Variants in PDLIM5 observed in about 807,000 individuals in gnomAD.
The protein encoded by PDLIM5 is PDZ and LIM domain 5.
In PDLIM5, 34 loss-of-function variants were observed where a neutral mutation model predicts 64.2. The ratio of observed to expected loss-of-function variants is 0.53; its 90% CI spans 0.40 to 0.71. PDLIM5 has a LOEUF of 0.71. PDLIM5 is among the 30% of genes least tolerant of loss of function. PDLIM5 has a pLI of 0.00. For synonymous variants in PDLIM5, 253 were observed against 269.1 expected (o/e 0.94, Z 0.59); for missense variants, 683 against 733.6 (o/e 0.93, Z 0.80).
chr4:94,523,066 G>A (rs1396336990), intron 2 of PDLIM5, among the ~76,000 whole-genome samples: 1 of 152,140 alleles, frequency 6.6e-6, no homozygotes, highest in Non-Finnish European at 1.5e-5. Context: ...ATTTTATTGA[G>A]CAGGGGAAGA....
At chr4:94,570,015 T>G (rs1029709692) in intron 3 of PDLIM5, among the ~76,000 whole-genome samples, 1 of 152,138 alleles carries the variant, frequency 6.6e-6, no homozygotes, top group African/African-American at 2.4e-5. Context: ...CAAACCCTAA[T>G]AAACCTTCAT....
intron 2 of PDLIM5, among the ~76,000 whole-genome samples, chr4:94,494,725 C>T (rs1476042787): frequency 6.6e-6 from 1 of 151,636 alleles, no homozygotes. Flanking sequence ...CAGATGTGAG[C>T]CACCGTGCCT....
At chr4:94,503,000 G>A (rs372309062) in intron 2 of PDLIM5, among the ~76,000 whole-genome samples, 1 of 152,166 alleles carries the variant, frequency 6.6e-6, no homozygotes, top group African/African-American at 2.4e-5. Flanking sequence ...TGCAGGGCGA[G>A]CTTTGGTAAG....
At chr4:94,482,857 C>T (rs779190399) in intron 2 of PDLIM5, among the ~76,000 whole-genome samples, 6 of 151,754 alleles carry the variant, frequency 4.0e-5, no homozygotes, top group Admixed American at 1.3e-4. Context: ...CCACTGCACT[C>T]GAGCCTGGGT....
chr4:94,476,445 G>A (rs1160865831), intron 2 of PDLIM5, among the ~76,000 whole-genome samples: 1 of 151,940 alleles, frequency 6.6e-6, no homozygotes, highest in Non-Finnish European at 1.5e-5. Flanking sequence ...ATATATTCCA[G>A]TTGAAACTGC....
At position 94,542,988 on chromosome 4, in the gene PDLIM5, A is replaced by G. The variant is rs111796108; in HGVS notation, c.248+19113A>G. ...ATGTTTACCACCCTGGGAAAATGCAAAAGTGGACAGACTGGTCAGCCCCTC... is the reference window on the plus strand; with the variant it reads ...ATGTTTACCACCCTGGGAAAATGCAGAAGTGGACAGACTGGTCAGCCCCTC... On this transcript the variant is annotated intron_variant, in intron 3 of 12. Transcript: ENST00000317968. Among the ~76,000 whole-genome samples, 1,265 of 152,342 alleles carry G rather than the reference A, an allele frequency of 8.3e-3. 11 individuals carry two copies. Among genetic ancestry groups the G allele is most frequent in the Middle Eastern group, 0.02 (6 of 294 alleles).
rs544171460 is a variant in PDLIM5 at position 94,617,539 on chromosome 4, G to A, written c.921-465G>A. Among the ~76,000 whole-genome samples the A allele has an allele frequency of 8.6e-5, 13 of 151,412 alleles. No individual in the cohort carries two copies. The South Asian group carries it at 2.5e-3, about 29-fold the overall frequency. ...AGGAGTAACTGGGCTGGGAATGATGGCTCACACCTGTAATCCCAGTGCTTT... is the reference window on the plus strand; with the variant it reads ...AGGAGTAACTGGGCTGGGAATGATGACTCACACCTGTAATCCCAGTGCTTT... On this transcript the variant is annotated intron_variant, in intron 7 of 12. Transcript: ENST00000317968.
At chr4:94,613,163 T>C (rs1410648919) in intron 7 of PDLIM5, among the ~76,000 whole-genome samples, 2 of 152,130 alleles carry the variant, frequency 1.3e-5, no homozygotes, top group South Asian at 2.1e-4. Flanking sequence ...TCCAGAAATA[T>C]TCCTTTCCTG....
chr4:94,495,940 T>G (rs1457388665), intron 2 of PDLIM5, among the ~76,000 whole-genome samples: 1 of 152,110 alleles, frequency 6.6e-6, no homozygotes, highest in East Asian at 1.9e-4. Flanking sequence ...TTATATGTCC[T>G]TGGGAGAGGG....
chr4:94,634,750 A>G (rs776459649), intron 8 of PDLIM5, among the ~76,000 whole-genome samples: 1 of 152,228 alleles, frequency 6.6e-6, no homozygotes, highest in Non-Finnish European at 1.5e-5. Context: ...AGGAACAGAG[A>G]CCAAAAATAT....
chr4:94,542,751 A>G (rs1362670455), intron 3 of PDLIM5, among the ~76,000 whole-genome samples: 1 of 152,102 alleles, frequency 6.6e-6, no homozygotes, highest in Non-Finnish European at 1.5e-5. Flanking sequence ...CTGTTATTTC[A>G]TCTATTTAAT....
chr4:94,545,100 A>G (rs1049448789), intron 3 of PDLIM5, among the ~76,000 whole-genome samples: 13 of 152,184 alleles, frequency 8.5e-5, no homozygotes, highest in Non-Finnish European at 1.6e-4. Context: ...AGGAATTCCT[A>G]TTTTGTAGTT....
intron 3 of PDLIM5, among the ~76,000 whole-genome samples, chr4:94,528,467 C>T (rs1730570530): frequency 6.6e-6 from 1 of 152,100 alleles, no homozygotes; most frequent in Non-Finnish European, 1.5e-5. Context: ...GTATATTAGT[C>T]GTGGTTCTCC....
intron 2 of PDLIM5, 56 bp downstream of exon 2, chr4:94,455,440 G>A: frequency 9.1e-7 from 1 of 1,100,748 alleles, no homozygotes; most frequent in East Asian, 2.4e-5. Flanking sequence ...TAGTCCTCGG[G>A]CTGAGTTGTT....
chr4:94,643,608 T>C (rs1741175728), intron 9 of PDLIM5, among the ~76,000 whole-genome samples: 1 of 152,178 alleles, frequency 6.6e-6, no homozygotes. Flanking sequence ...TTGACCTCTC[T>C]GTGAAAGAAA....
intron 3 of PDLIM5, among the ~76,000 whole-genome samples, chr4:94,543,734 C>A (rs2110190866): frequency 6.6e-6 from 1 of 151,108 alleles, no homozygotes; most frequent in African/African-American, 2.4e-5. Context: ...CATGTTTTCA[C>A]AAATGACAGG....
At chr4:94,621,923 G>T (rs1466099339) in intron 8 of PDLIM5, among the ~76,000 whole-genome samples, 1 of 152,100 alleles carries the variant, frequency 6.6e-6, no homozygotes, top group African/African-American at 2.4e-5. Context: ...CTGTTGTGAA[G>T]TCACAGTTGA....
At chr4:94,455,067 T>C (rs1417273092) in intron 1 of PDLIM5, among the ~76,000 whole-genome samples, 180 bp from the exon 2 acceptor site, 2 of 152,216 alleles carry the variant, frequency 1.3e-5, no homozygotes, top group Non-Finnish European at 2.9e-5. Flanking sequence ...GAAATTGCCA[T>C]GAGTGTAGAA....
rs201470412 is a variant in PDLIM5, at chr4:94,635,371, G to A, written c.1109-4905G>A. ...TCCTGACTTGCTCATTATTCAGTTC[G>A]AAAAAGTCACACTTTTTGTGACTTA... On this transcript the variant is annotated intron_variant, in intron 8 of 12. Coordinates refer to ENST00000317968, the MANE Select transcript of PDLIM5 (RefSeq NM_006457.5). 1.1e-4 allele frequency among the ~76,000 whole-genome samples: 16 copies of A among 151,896 alleles called. No homozygotes were observed. The East Asian group carries it at 1.5e-3, about 15-fold the overall frequency.
Sources: allele counts gnomAD v4.1 joint callset (sites outside exome capture counted in the v4.1 genomes callset), GRCh38; gene constraint gnomAD v4.1.1; transcripts MANE v1.5; gene names NCBI Gene and HGNC (gene_info 2026-07-23, HGNC 2026-07-21).